FBXL17: variants seen among roughly 807,000 people sequenced by gnomAD.
FBXL17 encodes the protein F-box/LRR-repeat protein 17.
FBXL17 carries 22 observed loss-of-function variants against 66.2 expected under a neutral mutation model. That is an observed-to-expected ratio of 0.33 (90% CI 0.24 to 0.47). The LOEUF (loss-of-function observed/expected upper bound fraction) is 0.47. Ranked by LOEUF, FBXL17 falls within the 20% of genes least tolerant of loss-of-function variation. The probability of loss-of-function intolerance (pLI) is 1.00; values close to 1 mark genes in which losing one functional copy is unlikely to be tolerated. For synonymous variants in FBXL17, 474 were observed against 400.5 expected, an observed-to-expected ratio of 1.18 and a Z score of -2.19; for missense variants, 878 against 948.2, an observed-to-expected ratio of 0.93 and a Z score of 0.97.
intron 5 of FBXL17, among the ~76,000 whole-genome samples, chr5:108,188,376 G>A (rs1753325529): frequency 6.6e-6 from 1 of 152,200 alleles, no homozygotes; most frequent in African/African-American, 2.4e-5. Flanking sequence ...GGGCTAGGTT[G>A]TAGGCATTAG....
intron 4 of FBXL17, among the ~76,000 whole-genome samples, chr5:108,224,556 CA>C (rs1755015957): frequency 6.7e-6 from 1 of 148,862 alleles, no homozygotes. Flanking sequence ...CACACACACA[CA>C]AACACACACA....
intron 7 of FBXL17, among the ~76,000 whole-genome samples, chr5:107,888,930 T>C (rs1225012361): frequency 6.6e-6 from 1 of 152,232 alleles, no homozygotes; most frequent in African/African-American, 2.4e-5. Flanking sequence ...TTTCCCAAAG[T>C]GGTTGTACCA....
intron 6 of FBXL17, among the ~76,000 whole-genome samples, chr5:108,026,168 T>C (rs1332685629): frequency 1.3e-5 from 2 of 152,212 alleles, no homozygotes; most frequent in Non-Finnish European, 2.9e-5. Flanking sequence ...ATCAAGTATC[T>C]ATTAATAGTA....
intron 4 of FBXL17, among the ~76,000 whole-genome samples, chr5:108,307,533 C>G (rs1322898064): frequency 6.6e-6 from 1 of 152,016 alleles, no homozygotes; most frequent in Non-Finnish European, 1.5e-5. Context: ...GTCTTGAACT[C>G]CTGGCCTCAA....
At position 107,905,057 on chromosome 5, in the gene FBXL17, C is replaced by CTA. The variant is rs141059143; in HGVS notation, c.1823-23880_1823-23879dup. ...CAAACAGGGCAGCTGAACTTTTTTG[C>CTA]TATATATATATATATATGGATTGTG... is the stretch of plus-strand genomic sequence containing the variant. On this transcript the variant is annotated intron_variant, in intron 7 of 8. Coordinates refer to ENST00000542267, the MANE Select transcript of FBXL17 (RefSeq NM_001163315.3). 8.1e-3 allele frequency among the ~76,000 whole-genome samples: 1,183 copies of CTA among 145,878 alleles called. 12 individuals are homozygous for CTA. Among genetic ancestry groups the CTA allele is most frequent in the African/African-American group, 0.021 (833 of 40,006 alleles).
intron 4 of FBXL17, among the ~76,000 whole-genome samples, chr5:108,255,876 T>C (rs1756556173): frequency 6.6e-6 from 1 of 152,162 alleles, no homozygotes; most frequent in Non-Finnish European, 1.5e-5. Flanking sequence ...TTTCTCTACC[T>C]GGGATTCGAC....
chr5:108,269,926 T>G (rs2150136145), intron 4 of FBXL17, among the ~76,000 whole-genome samples: 1 of 152,194 alleles, frequency 6.6e-6, no homozygotes, highest in East Asian at 1.9e-4. Context: ...CTACTACTGT[T>G]GCTACAAATA....
chr5:108,336,753 C>T (rs547128711), intron 4 of FBXL17, among the ~76,000 whole-genome samples: 146 of 152,246 alleles, frequency 9.6e-4, no homozygotes, highest in Non-Finnish European at 1.8e-3. Flanking sequence ...TTCAAACTAT[C>T]ATTGCCATTC....
At chr5:107,991,475 A>C (rs1454085655) in intron 7 of FBXL17, among the ~76,000 whole-genome samples, 1 of 152,174 alleles carries the variant, frequency 6.6e-6, no homozygotes, top group Non-Finnish European at 1.5e-5. Flanking sequence ...ATGCCCATGC[A>C]TAGGATTTCT....
At chr5:108,248,723 T>C (rs1033483184) in intron 4 of FBXL17, among the ~76,000 whole-genome samples, 6 of 152,084 alleles carry the variant, frequency 3.9e-5, no homozygotes, top group African/African-American at 1.2e-4. Context: ...ACAACTCAAA[T>C]TTAAGACACA....
intron 4 of FBXL17, among the ~76,000 whole-genome samples, chr5:108,233,386 C>A (rs1351598466): frequency 2.0e-5 from 3 of 152,112 alleles, no homozygotes; most frequent in Non-Finnish European, 4.4e-5. Flanking sequence ...AAGCTCCTGC[C>A]TGGAACACCT....
At chr5:107,983,533 TAA>T (rs34725446) in intron 7 of FBXL17, among the ~76,000 whole-genome samples, 19,439 of 145,300 alleles carry the variant, frequency 0.13, 1,308 homozygotes, top group African/African-American at 0.16. Flanking sequence ...ATGAACTTCA[TAA>T]AAAAAAAAAT....
At chr5:108,053,742 C>A (rs1283549582) in intron 6 of FBXL17, among the ~76,000 whole-genome samples, 1 of 152,050 alleles carries the variant, frequency 6.6e-6, no homozygotes, top group Non-Finnish European at 1.5e-5. Flanking sequence ...ACCATTTGAC[C>A]CAGCAATCCC....
chr5:107,940,541 A>G (rs1751057554), intron 7 of FBXL17, among the ~76,000 whole-genome samples: 2 of 152,150 alleles, frequency 1.3e-5, no homozygotes, highest in African/African-American at 4.8e-5. Context: ...GGGGAAGGAT[A>G]TGGTCTCTTC....
At chr5:108,358,473 G>A (rs577782116) in intron 3 of FBXL17, among the ~76,000 whole-genome samples, 3 of 151,906 alleles carry the variant, frequency 2.0e-5, no homozygotes, top group African/African-American at 4.8e-5. Flanking sequence ...TTCTCTTAAT[G>A]TGGTATATTA....
intron 6 of FBXL17, among the ~76,000 whole-genome samples, chr5:108,162,598 TA>T (rs759079319): frequency 7.2e-5 from 11 of 152,226 alleles, no homozygotes; most frequent in Non-Finnish European, 1.0e-4. Context: ...CTACTTCTCA[TA>T]ATGTTTATAA....
chr5:108,143,347 T>TCACACA (rs67696841), intron 6 of FBXL17, among the ~76,000 whole-genome samples: 3,257 of 147,774 alleles, frequency 0.022, 49 homozygotes, highest in South Asian at 0.057. Flanking sequence ...AACAGCATTC[T>TCACACA]CACACACACA....
Position 108,149,133 on chromosome 5 carries a change from A to C in FBXL17, c.1745+36984T>G, listed in dbSNP as rs149007278. Among the ~76,000 whole-genome samples, 474 of 152,320 alleles carry C rather than the reference A, an allele frequency of 3.1e-3. 2 individuals carry two copies. Among genetic ancestry groups the C allele is most frequent in the South Asian group, 9.7e-3 (47 of 4,830 alleles). On this transcript the variant is annotated intron_variant, in intron 6 of 8. Coordinates refer to ENST00000542267, the MANE Select transcript of FBXL17 (RefSeq NM_001163315.3). The stretch of plus-strand genomic sequence containing the variant: ...CACCACTGTTTTGTGAAATGTACAC[A>C]GTGTCTCTTGTAGGATGACAATGAT...
chr5:108,257,887 T>G (rs577713371), intron 4 of FBXL17, among the ~76,000 whole-genome samples: 3 of 152,250 alleles, frequency 2.0e-5, no homozygotes, highest in Admixed American at 2.0e-4. Flanking sequence ...TTGTGTATGC[T>G]TTGTTAAAGG....
Sources: gnomAD v4.1 joint callset for allele counts (sites outside exome capture counted in the v4.1 genomes callset) on GRCh38, gnomAD v4.1.1 for gene constraint, MANE v1.5 for transcripts, NCBI Gene and HGNC (gene_info 2026-07-23, HGNC 2026-07-21) for gene names.